FN1: variants seen among roughly 807,000 people sequenced by gnomAD.
The protein encoded by FN1 is fibronectin 1.
Under a neutral mutation model 297.3 loss-of-function variants are expected in FN1, and 106 were observed. The observed-to-expected ratio is 0.36, with a 90% confidence interval of 0.30 to 0.42. The LOEUF is 0.42. Ranked by LOEUF, FN1 falls within the 10% of genes least tolerant of loss-of-function variation. The pLI, the probability that FN1 is intolerant of heterozygous loss-of-function variation, is 1.00. For missense variants in FN1, 2,690 were observed against 3,124.9 expected (o/e 0.86, Z 3.32); for synonymous variants, 1,149 against 1,152.6 (o/e 1.00, Z 0.06).
chr2:215,375,756 C>A (rs901427406), intron 36 of FN1, 38 bp from the exon 37 acceptor site: 2 of 1,352,698 alleles, frequency 1.5e-6, no homozygotes. Flanking sequence ...ACAGTTCTTG[C>A]TTTTTACTAG....
chr2:215,365,587 C>T lies in FN1; in HGVS notation c.7062G>A (p.Lys2354=), dbSNP rs2054369374. The T allele has an allele frequency of 6.2e-7, 1 of 1,614,014 alleles. No individual in the cohort carries two copies. Among genetic ancestry groups the T allele is most frequent in the Non-Finnish European group, 8.5e-7 (1 of 1,179,994 alleles). Residue 2354 remains lysine (K), a synonymous_variant, in exon 43 of 46, where the codon AAG becomes AAA. Transcript: ENST00000354785. The part of the protein sequence containing the change: ...DNGVNYKIGE[K]WDRQGENGQM... ...GGCCATTTTCTCCCTGACGGTCCCA[C>T]TTCTCTCCAATCTTGTAGTTCACAC... is the stretch of plus-strand genomic sequence containing the variant.
At chr2:215,385,749 G>T (rs940591708) in intron 28 of FN1, among the ~76,000 whole-genome samples, 48 of 149,220 alleles carry the variant, frequency 3.2e-4, no homozygotes, top group African/African-American at 1.1e-3. Flanking sequence ...ATTTTTAAAG[G>T]TACTTTGAAA....
At chr2:215,416,567 G>A (rs553083933) in intron 12 of FN1, among the ~76,000 whole-genome samples, 1 of 152,064 alleles carries the variant, frequency 6.6e-6, no homozygotes, top group Non-Finnish European at 1.5e-5. Flanking sequence ...AATTGGCATA[G>A]GGCTATTTAA....
At position 215,428,857 on chromosome 2, in the gene FN1, C is replaced by CA. The variant is rs980553058; in HGVS notation, c.686-520dup. 5.3e-5 allele frequency among the ~76,000 whole-genome samples: 8 copies of CA among 151,490 alleles called. No individual in the cohort carries two copies. The East Asian group carries it at 7.8e-4, about 15-fold the overall frequency. ...AAACCCCCGTCTCTACTAAAAATAC[C>CA]AAAAAAAATTAGCCGGCTGTGGTGG... On this transcript the variant is annotated intron_variant, in intron 5 of 45. Transcript: ENST00000354785.
At chr2:215,363,994 G>C (rs960584388) in intron 44 of FN1, among the ~76,000 whole-genome samples, 1 of 152,172 alleles carries the variant, frequency 6.6e-6, no homozygotes, top group Non-Finnish European at 1.5e-5. Context: ...ATCCCAGGGG[G>C]TGTGTCTCTC....
chr2:215,393,688 G>A (rs1236511870), intron 24 of FN1: 1 of 152,132 alleles, frequency 6.6e-6, no homozygotes, highest in Non-Finnish European at 1.5e-5. Flanking sequence ...CAAAACTCAT[G>A]ACAACATCAT....
intron 28 of FN1, among the ~76,000 whole-genome samples, chr2:215,386,056 G>A (rs1231271644): frequency 4.7e-5 from 7 of 147,514 alleles, no homozygotes; most frequent in Middle Eastern, 3.6e-3. Context: ...GATTACAAGC[G>A]TGAGCCATTG....
chr2:215,361,716 A>C, intron 45 of FN1, 90 bp from the exon 46 acceptor site: 15 of 1,064,704 alleles, frequency 1.4e-5, no homozygotes, highest in Non-Finnish European at 2.2e-5. Context: ...GACTCATGAC[A>C]GCTGCTTATA....
In FN1 at chr2:215,381,168, A is replaced by T. The variant is rs80095429; in HGVS notation, c.5165-88T>A. 51,391 of 1,336,672 alleles carry T rather than the reference A, an allele frequency of 0.038. 1,255 individuals are homozygous for T. Among genetic ancestry groups the T allele is most frequent in the Non-Finnish European group, 0.046 (42,563 of 934,676 alleles). The allele number at this position is 1,336,672 out of a possible 1,614,324, so 82.8% of individuals were successfully genotyped here. ...TAACATGCAAAGCAGTTTTGCAGAT[A>T]CCATTTTCTTTGATGAAGTCCAATT... On this transcript the variant is annotated intron_variant, in intron 32 of 45. Transcript: ENST00000354785.
rs1287271584 is a variant in FN1 at position 215,382,234 on chromosome 2, A to C, written c.5142T>G (p.Pro1714=). The C allele has an allele frequency of 1.8e-5, 29 of 1,613,278 alleles. No homozygotes were observed. The highest frequency in any genetic ancestry group is 1.8e-5 in the Non-Finnish European group (21 of 1,179,324). Residue 1714 remains proline (P), a synonymous_variant, in exon 32 of 46, where the codon CCT becomes CCG. Coordinates refer to ENST00000354785, the MANE Select transcript of FN1 (RefSeq NM_212482.4). ...YAQNPSGESQ[P]LVQTAVTNID... ...TACTGGTTACTGCAGTCTGAACCAG[A>C]GGCTGACTCTCTCCGCTTGGATTCT...
At chr2:215,398,455 G>C (rs1043491738) in intron 21 of FN1, among the ~76,000 whole-genome samples, 1 of 152,158 alleles carries the variant, frequency 6.6e-6, no homozygotes, top group African/African-American at 2.4e-5. Flanking sequence ...ACTCTAGAGA[G>C]ATCCTTCACA....
chr2:215,402,777 T>C (rs1280604028), intron 20 of FN1, among the ~76,000 whole-genome samples: 1 of 152,252 alleles, frequency 6.6e-6, no homozygotes, highest in Non-Finnish European at 1.5e-5. Flanking sequence ...TAGTTTTGGC[T>C]ATCAGTACTT....
At position 215,434,726 on chromosome 2, in the gene FN1, G is replaced by T. The variant is rs780120577; in HGVS notation, c.247C>A (p.Arg83=). 4.2e-5 allele frequency: 67 copies of T among 1,613,972 alleles called. 1 individual carries two copies. In the Middle Eastern group the frequency reaches 6.6e-4, roughly 16 times the overall value. ...GGTTTACTCTCGCAGTTAAAACCTC[G>T]GCTTCCTCCATAACAAGTACAAACC... ...ALVCTCYGGS[R]GFNCESKPEA... is the part of the protein sequence containing the mutation. Residue 83 remains arginine (R), a synonymous_variant, in exon 2 of 46, where the codon CGA becomes AGA. Coordinates refer to ENST00000354785, the MANE Select transcript of FN1 (RefSeq NM_212482.4).
chr2:215,433,474 G>C lies in FN1; in HGVS notation c.278-13C>G. 2 of 1,613,006 alleles carry C rather than the reference G, an allele frequency of 1.2e-6. No homozygotes were observed. Among genetic ancestry groups the C allele is most frequent in the Non-Finnish European group, 1.7e-6 (2 of 1,179,392 alleles). On this transcript the variant is annotated splice_polypyrimidine_tract_variant and intron_variant, in intron 2 of 45. Coordinates refer to ENST00000354785, the MANE Select transcript of FN1 (RefSeq NM_212482.4). ...CAAGTCTCTTCAGCTGAGGGGAAAA[G>C]GAAAGTCCATGTGAGCCTCACTTAG...
intron 23 of FN1, among the ~76,000 whole-genome samples, chr2:215,395,866 C>T (rs1047962666): frequency 4.6e-5 from 7 of 151,996 alleles, no homozygotes; most frequent in South Asian, 2.1e-4. Flanking sequence ...GCCATTGAGA[C>T]GAGATATTAA....
intron 13 of FN1, among the ~76,000 whole-genome samples, chr2:215,413,658 G>A (rs1408260483): frequency 1.3e-5 from 2 of 152,120 alleles, no homozygotes; most frequent in Admixed American, 6.6e-5. Context: ...CCTCTATCAG[G>A]GGTCTGATTT....
chr2:215,399,037 T>C (rs1244213898), intron 21 of FN1, among the ~76,000 whole-genome samples: 1 of 152,226 alleles, frequency 6.6e-6, no homozygotes, highest in Admixed American at 6.5e-5. Flanking sequence ...GTTTTATCCT[T>C]TGCAAAACAC....
At chr2:215,420,848 T>C (rs373448534) in intron 10 of FN1, 47 bp from the exon 11 acceptor site, 27 of 1,594,750 alleles carry the variant, frequency 1.7e-5, no homozygotes, top group South Asian at 1.3e-4. Flanking sequence ...TAAAGTTCCA[T>C]TGATGAAAGA....
chr2:215,373,414 G>C lies in FN1; in HGVS notation c.6158-3C>G, dbSNP rs1482216617. ...ATATTCGGTTCCCGGTTCCAGGCCT[G>C]AAGGGAGAATAGAACCATCACATTA... On this transcript the variant is annotated splice_polypyrimidine_tract_variant and splice_region_variant and intron_variant, in intron 38 of 45. Coordinates refer to ENST00000354785, the MANE Select transcript of FN1 (RefSeq NM_212482.4). The C allele has an allele frequency of 1.2e-6, 2 of 1,611,098 alleles. No homozygotes were observed. Among genetic ancestry groups the C allele is most frequent in the Middle Eastern group, 1.7e-4 (1 of 6,056 alleles).
Sources: gnomAD v4.1 joint callset for allele counts (sites outside exome capture counted in the v4.1 genomes callset) on GRCh38, gnomAD v4.1.1 for gene constraint, MANE v1.5 for transcripts, NCBI Gene and HGNC (gene_info 2026-07-23, HGNC 2026-07-21) for gene names.